Variants in BBS9 observed in about 807,000 individuals in gnomAD.
BBS9 encodes Bardet-Biedl syndrome 9.
BBS9 carries 89 observed loss-of-function variants against 117.7 expected under a neutral mutation model. The observed-to-expected ratio is 0.76, with a 90% CI of 0.64 to 0.90. The LOEUF (loss-of-function observed/expected upper bound fraction) is 0.90, where lower values mean the gene tolerates loss of function less well. Among genes scored for constraint, BBS9 ranks in the 40% least tolerant of loss-of-function variants. The pLI is 0.00. For synonymous variants in BBS9, 379 were observed against 370.9 expected, an observed-to-expected ratio of 1.02 and a Z score of -0.25; for missense variants, 982 against 1,042.2, an observed-to-expected ratio of 0.94 and a Z score of 0.80.
chr7:33,385,140 A>G (rs1362683108), intron 18 of BBS9, among the ~76,000 whole-genome samples: 1 of 152,142 alleles, frequency 6.6e-6, no homozygotes, highest in Non-Finnish European at 1.5e-5. Context: ...TGAAATAGAG[A>G]ATACTAGATA....
chr7:33,522,032 T>G (rs1292428433), intron 20 of BBS9, among the ~76,000 whole-genome samples: 1 of 151,832 alleles, frequency 6.6e-6, no homozygotes, highest in East Asian at 1.9e-4. Context: ...TTACTGAGAA[T>G]GATGATTTCC....
At chr7:33,227,069 T>C (rs190559506) in intron 5 of BBS9, among the ~76,000 whole-genome samples, 40 of 152,150 alleles carry the variant, frequency 2.6e-4, no homozygotes, top group Admixed American at 5.9e-4. Context: ...AAAAACCACA[T>C]AGCACCAAAA....
intron 5 of BBS9, among the ~76,000 whole-genome samples, chr7:33,178,922 T>C (rs150787644): frequency 6.6e-6 from 1 of 152,286 alleles, no homozygotes; most frequent in African/African-American, 2.4e-5. Flanking sequence ...AACACTTGGT[T>C]AGGTTGGAGG....
chr7:33,291,343 G>A lies in BBS9; in HGVS notation c.1016+17387G>A, dbSNP rs187346111. 2.6e-4 allele frequency among the ~76,000 whole-genome samples: 39 copies of A among 152,132 alleles called. No homozygotes were observed. The East Asian group carries it at 7.2e-3, about 28-fold the overall frequency. ...TTTTGTTAAAATCACAATAATTTTT[G>A]TCCAGGTTACCTTTGCCTATTTTTA... On this transcript the variant is annotated intron_variant, in intron 9 of 22. Coordinates refer to ENST00000242067, the MANE Select transcript of BBS9 (RefSeq NM_198428.3).
chr7:33,352,699 G>C (rs1222413692), intron 14 of BBS9, among the ~76,000 whole-genome samples, 160 bp from the exon 15 acceptor site: 1 of 152,032 alleles, frequency 6.6e-6, no homozygotes, highest in Non-Finnish European at 1.5e-5. Context: ...ATTGTGGATT[G>C]ACTTGTGTTT....
chr7:33,180,586 A>G (rs1404533540), intron 5 of BBS9, among the ~76,000 whole-genome samples: 1 of 151,826 alleles, frequency 6.6e-6, no homozygotes, highest in Non-Finnish European at 1.5e-5. Context: ...CTATCTCCTG[A>G]CCTCGTGACC....
chr7:33,458,773 T>G (rs1485132908), intron 19 of BBS9, among the ~76,000 whole-genome samples: 4 of 152,164 alleles, frequency 2.6e-5, no homozygotes, highest in Non-Finnish European at 5.9e-5. Flanking sequence ...TGAACATTTC[T>G]CAGTTTCACA....
At chr7:33,434,275 T>C (rs565985096) in intron 19 of BBS9, among the ~76,000 whole-genome samples, 1 of 150,252 alleles carries the variant, frequency 6.7e-6, no homozygotes, top group South Asian at 2.1e-4. Context: ...ATTTCCTGTT[T>C]GCTAAAAAAA....
chr7:33,374,631 G>A (rs530508599), intron 17 of BBS9, among the ~76,000 whole-genome samples: 2 of 152,162 alleles, frequency 1.3e-5, no homozygotes, highest in African/African-American at 4.8e-5. Context: ...GCCGGGCGTG[G>A]TGGCTCACGC....
intron 21 of BBS9, among the ~76,000 whole-genome samples, chr7:33,547,592 G>T (rs1217918326): frequency 1.3e-5 from 2 of 152,146 alleles, no homozygotes; most frequent in Admixed American, 6.5e-5. Context: ...GAGAAGTAAA[G>T]TCTTATAATG....
intron 4 of BBS9, among the ~76,000 whole-genome samples, chr7:33,167,394 C>T (rs1479062229): frequency 6.7e-6 from 1 of 149,382 alleles, no homozygotes. Flanking sequence ...CATTAAAGTT[C>T]TGAGAATTCT....
In BBS9 at chr7:33,482,523, G is replaced by A. The variant is rs114172056; in HGVS notation, c.2116-22940G>A. 1.4e-4 allele frequency among the ~76,000 whole-genome samples: 22 copies of A among 152,288 alleles called. 1 individual carries two copies. The highest frequency in any genetic ancestry group is 4.8e-4 in the African/African-American group (20 of 41,566). ...CAGTTGTATAATTGAGACAAAAAAG[G>A]ATATCCTGGAAATAATATTATGTTA... On this transcript the variant is annotated intron_variant, in intron 19 of 22. Transcript: ENST00000242067.
intron 21 of BBS9, among the ~76,000 whole-genome samples, chr7:33,536,537 G>C (rs1278928698): frequency 6.6e-6 from 1 of 152,046 alleles, no homozygotes; most frequent in African/African-American, 2.4e-5. Flanking sequence ...TTGCCTTGGG[G>C]TTTCATGGTT....
chr7:33,278,465 T>C (rs1228135831), intron 9 of BBS9, among the ~76,000 whole-genome samples: 1 of 152,168 alleles, frequency 6.6e-6, no homozygotes, highest in Non-Finnish European at 1.5e-5. Flanking sequence ...GAAATACAGA[T>C]TCACTAAATA....
chr7:33,298,508 G>C (rs545935812), intron 9 of BBS9, among the ~76,000 whole-genome samples: 21 of 152,246 alleles, frequency 1.4e-4, no homozygotes, highest in Non-Finnish European at 2.2e-4. Flanking sequence ...TTTACTTAGA[G>C]AAGCTATAAA....
At chr7:33,398,157 T>G (rs1473620056) in intron 19 of BBS9, among the ~76,000 whole-genome samples, 1 of 152,184 alleles carries the variant, frequency 6.6e-6, no homozygotes, top group Non-Finnish European at 1.5e-5. Flanking sequence ...AATTCACACT[T>G]GAAATGTGAA....
intron 21 of BBS9, among the ~76,000 whole-genome samples, chr7:33,540,124 G>A (rs531274507): frequency 6.6e-6 from 1 of 152,294 alleles, no homozygotes; most frequent in African/African-American, 2.4e-5. Context: ...AACTTAGAAT[G>A]TGTTAACCTT....
chr7:33,294,419 A>G (rs1287985046), intron 9 of BBS9, among the ~76,000 whole-genome samples: 3 of 151,842 alleles, frequency 2.0e-5, no homozygotes, highest in African/African-American at 7.3e-5. Context: ...CCATCCGAGT[A>G]TGTATGTACA....
At chr7:33,439,945 T>C (rs967320188) in intron 19 of BBS9, among the ~76,000 whole-genome samples, 24 of 152,284 alleles carry the variant, frequency 1.6e-4, no homozygotes, top group African/African-American at 5.8e-4. Context: ...GGCAAGTGAG[T>C]CAACCTTAGT....
Sources: gnomAD v4.1 joint callset for allele counts (sites outside exome capture counted in the v4.1 genomes callset) on GRCh38, gnomAD v4.1.1 for gene constraint, MANE v1.5 for transcripts, NCBI Gene and HGNC (gene_info 2026-07-23, HGNC 2026-07-21) for gene names.